The following TSHZ1 variants were observed in gnomAD, a reference collection of about 807,000 sequenced individuals.
TSHZ1 encodes teashirt homolog 1.
Under a neutral mutation model 67.1 loss-of-function variants are expected in TSHZ1, and 12 were observed. The observed-to-expected ratio is 0.18, with a 90% confidence interval of 0.11 to 0.29. The LOEUF (loss-of-function observed/expected upper bound fraction) is 0.29, where lower values mean the gene tolerates loss of function less well. Among genes scored for constraint, TSHZ1 ranks in the 10% least tolerant of loss-of-function variants. TSHZ1 has a pLI of 1.00. For missense variants in TSHZ1, 1,305 were observed against 1,413.9 expected (o/e 0.92, Z 1.23); for synonymous variants, 632 against 622.4 (o/e 1.02, Z -0.23).
intron 1 of TSHZ1, among the ~76,000 whole-genome samples, chr18:75,254,811 T>G (rs909078923): frequency 2.0e-5 from 3 of 152,240 alleles, no homozygotes; most frequent in African/African-American, 7.2e-5. Context: ...TAGAGAACTT[T>G]AATTTTATTC....
intron 1 of TSHZ1, among the ~76,000 whole-genome samples, chr18:75,269,621 C>T (rs2023533449): frequency 6.6e-6 from 1 of 152,162 alleles, no homozygotes; most frequent in Admixed American, 6.5e-5. Context: ...TCTTATTTTT[C>T]TATTGTAGTA....
intron 1 of TSHZ1, among the ~76,000 whole-genome samples, chr18:75,221,772 C>T (rs1171851374): frequency 6.6e-6 from 1 of 152,184 alleles, no homozygotes; most frequent in Admixed American, 6.5e-5. Context: ...TTTTCTCCTG[C>T]CTTGCTTTAT....
At chr18:75,219,117 ATAT>A (rs2022811486) in intron 1 of TSHZ1, among the ~76,000 whole-genome samples, 1 of 152,226 alleles carries the variant, frequency 6.6e-6, no homozygotes, top group Admixed American at 6.5e-5. Context: ...TAATGACATA[ATAT>A]TTTAGTATTG....
chr18:75,225,510 C>CT (rs2022913400), intron 1 of TSHZ1, among the ~76,000 whole-genome samples: 2 of 152,160 alleles, frequency 1.3e-5, no homozygotes, highest in Non-Finnish European at 2.9e-5. Context: ...CTCAGCATGC[C>CT]CTTTGGAACA....
chr18:75,258,153 C>T (rs1399025626), intron 1 of TSHZ1, among the ~76,000 whole-genome samples: 1 of 152,162 alleles, frequency 6.6e-6, no homozygotes, highest in Non-Finnish European at 1.5e-5. Flanking sequence ...GTGTGAAGGC[C>T]AGTACAGGGA....
Position 75,288,298 on chromosome 18 carries a change from A to G in TSHZ1, c.2891A>G (p.Asp964Gly), listed in dbSNP as rs1302968048. 1.2e-6 allele frequency: 2 copies of G among 1,614,112 alleles called. No homozygotes were observed. The highest frequency in any genetic ancestry group is 8.5e-7 in the Non-Finnish European group (1 of 1,180,054). The change falls in exon 2 of 2, where the codon GAC becomes GGC. Residue 964 changes from aspartate to glycine, a missense_variant. Transcript: ENST00000580243. The surrounding 1 kb of genome is among the most constrained non-coding windows in gnomAD (Gnocchi z 4.9). ...GGAACGAAATTCCTAAAGAACCTGG[A>G]CACAGGGCATCCTGTTTTCTTTTGC... is the stretch of plus-strand genomic sequence containing the variant. Reference protein sequence around the residue: ...TGGTKFLKNLDTGHPVFFCND... With the variant: ...TGGTKFLKNLGTGHPVFFCND...
chr18:75,236,023 G>GTGCGTGATAGGAAGCT (rs1165026135), intron 1 of TSHZ1, among the ~76,000 whole-genome samples: 3 of 152,138 alleles, frequency 2.0e-5, no homozygotes, highest in African/African-American at 4.8e-5. Context: ...GATAGGAAGC[G>GTGCGTGATAGGAAGCT]TGCGTGATAG....
chr18:75,231,297 G>A (rs1599030153), intron 1 of TSHZ1, among the ~76,000 whole-genome samples: 1 of 152,192 alleles, frequency 6.6e-6, no homozygotes, highest in African/African-American at 2.4e-5. Flanking sequence ...GGCTGCCTTT[G>A]CCCATTACCA....
chr18:75,227,012 G>A (rs185184038), intron 1 of TSHZ1, among the ~76,000 whole-genome samples: 1 of 152,248 alleles, frequency 6.6e-6, no homozygotes, highest in African/African-American at 2.4e-5. Context: ...ACAAGCCCCC[G>A]GCTCTGTAGG....
At chr18:75,269,727 A>G (rs935370697) in intron 1 of TSHZ1, among the ~76,000 whole-genome samples, 4 of 152,218 alleles carry the variant, frequency 2.6e-5, no homozygotes, top group African/African-American at 9.6e-5. Context: ...CTGTGTAGCC[A>G]TCACCACCCC....
At chr18:75,224,996 T>G (rs959947140) in intron 1 of TSHZ1, among the ~76,000 whole-genome samples, 1 of 152,174 alleles carries the variant, frequency 6.6e-6, no homozygotes, top group Non-Finnish European at 1.5e-5. Flanking sequence ...TTTTTTTTTT[T>G]CTTTCTTAGA....
chr18:75,259,033 C>T (rs906402511), intron 1 of TSHZ1, among the ~76,000 whole-genome samples: 3 of 152,200 alleles, frequency 2.0e-5, no homozygotes, highest in Non-Finnish European at 2.9e-5. Context: ...TCCTCCTCCC[C>T]TCAAGGTAAC....
At chr18:75,217,440 G>A (rs918922814) in intron 1 of TSHZ1, among the ~76,000 whole-genome samples, 2 of 151,994 alleles carry the variant, frequency 1.3e-5, no homozygotes, top group Non-Finnish European at 2.9e-5. Context: ...ACTTGTCATA[G>A]TAGTGTTTTT....
intron 1 of TSHZ1, among the ~76,000 whole-genome samples, chr18:75,215,272 G>T (rs890628217): frequency 1.3e-5 from 2 of 152,168 alleles, no homozygotes; most frequent in Admixed American, 1.3e-4. Flanking sequence ...AATGTCGCTG[G>T]CTGGGAGCAC....
chr18:75,216,475 T>C (rs1187799275), intron 1 of TSHZ1, among the ~76,000 whole-genome samples: 35 of 152,160 alleles, frequency 2.3e-4, no homozygotes, highest in Admixed American at 2.2e-3. Flanking sequence ...TGTTAATGTA[T>C]TGGGGAGGGG....
chr18:75,242,806 G>T (rs981032234), intron 1 of TSHZ1, among the ~76,000 whole-genome samples: 2 of 152,260 alleles, frequency 1.3e-5, no homozygotes, highest in African/African-American at 4.8e-5. Context: ...TGGCCATAAT[G>T]CATGGTGTTT....
chr18:75,230,971 A>G (rs1343368557), intron 1 of TSHZ1, among the ~76,000 whole-genome samples: 2 of 152,246 alleles, frequency 1.3e-5, no homozygotes, highest in African/African-American at 4.8e-5. Flanking sequence ...CCAGTTAAAA[A>G]AAACCTGTCA....
intron 1 of TSHZ1, among the ~76,000 whole-genome samples, chr18:75,265,840 C>T (rs536463015): frequency 3.9e-5 from 6 of 152,196 alleles, no homozygotes; most frequent in South Asian, 2.1e-4. Flanking sequence ...TGAATTCCCA[C>T]CTAAAAGGCA....
intron 1 of TSHZ1, among the ~76,000 whole-genome samples, chr18:75,250,083 G>C (rs1328049530): frequency 6.9e-6 from 1 of 144,512 alleles, no homozygotes; most frequent in East Asian, 2.1e-4. Flanking sequence ...CCTCCTTCTT[G>C]CCTCATCCCT....
Sources: gnomAD v4.1 joint callset for allele counts (sites outside exome capture counted in the v4.1 genomes callset) on GRCh38, gnomAD v4.1.1 for gene constraint, Gnocchi (gnomAD v3.1) non-coding constraint, MANE v1.5 for transcripts, NCBI Gene and HGNC (gene_info 2026-07-23, HGNC 2026-07-21) for gene names.